The following COL21A1 variants were observed in gnomAD, a reference collection of about 807,000 sequenced individuals.
COL21A1 encodes the protein collagen alpha-1(XXI) chain.
A neutral mutation model predicts 137.9 loss-of-function variants in COL21A1; 149 were observed. The ratio of observed to expected loss-of-function variants is 1.08; its 90% confidence interval spans 0.95 to 1.24. COL21A1 has a LOEUF of 1.24. Among genes scored for constraint, COL21A1 ranks in the 50% most tolerant of loss-of-function variants. The pLI is 0.00. For missense variants in COL21A1, 1,167 were observed against 1,158.4 expected (o/e 1.01, Z -0.11); for synonymous variants, 456 against 391.5 (o/e 1.16, Z -1.95).
chr6:56,185,435 T>TTTTTTC (rs1778203873), intron 1 of COL21A1, among the ~76,000 whole-genome samples: 2 of 132,398 alleles, frequency 1.5e-5, no homozygotes, highest in South Asian at 2.7e-4. Flanking sequence ...TCTTTTTTTT[T>TTTTTTC]TTTTTTTTTT....
At chr6:56,390,302 C>T (rs2094026782) in intron 1 of COL21A1, among the ~76,000 whole-genome samples, 3 of 151,964 alleles carry the variant, frequency 2.0e-5, no homozygotes, top group Admixed American at 1.3e-4. Context: ...ATTTGCAAGC[C>T]TCATGATAAC....
chr6:56,177,850 T>C (rs1325975017), intron 3 of COL21A1, among the ~76,000 whole-genome samples: 7 of 146,860 alleles, frequency 4.8e-5, no homozygotes, highest in Non-Finnish European at 1.0e-4. Flanking sequence ...ATTCCATAAG[T>C]GCATTTTCAA....
intron 1 of COL21A1, among the ~76,000 whole-genome samples, chr6:56,282,026 T>C (rs532104355): frequency 6.6e-6 from 1 of 152,332 alleles, no homozygotes; most frequent in African/African-American, 2.4e-5. Context: ...AGAATTGCTA[T>C]TTTCTATGTG....
rs1490182736 is a variant in COL21A1, at chr6:56,060,005, A to G, written c.2608+13T>C. 5.7e-6 allele frequency: 9 copies of G among 1,570,462 alleles called. No individual in the cohort carries two copies. The highest frequency in any genetic ancestry group is 1.4e-5 in the African/African-American group (1 of 72,572). On this transcript the variant is annotated intron_variant, in intron 28 of 29. Transcript: ENST00000244728. ...TTTTAAAATTCATTTTCTTGTTGAAACTAACTGCATACCTTTTAATCCTCT... is the reference window on the plus strand; with the variant it reads ...TTTTAAAATTCATTTTCTTGTTGAAGCTAACTGCATACCTTTTAATCCTCT...
At position 56,098,381 on chromosome 6, in the gene COL21A1, A is replaced by G. The variant is rs1384318373; in HGVS notation, c.1812+3091T>C. Among the ~76,000 whole-genome samples, 11 of 39,980 alleles carry G rather than the reference A, an allele frequency of 2.8e-4. 2 individuals are homozygous for G. Among genetic ancestry groups the G allele is most frequent in the African/African-American group, 1.3e-3 (9 of 6,988 alleles). 26.2% of individuals were successfully genotyped at this position (39,980 alleles called of 152,430 possible). A position where few individuals can be genotyped will look rare whatever the true frequency, so the allele number is the denominator to read the frequency against. ...TATATATGAATATATATAAATATAT[A>G]TAAATATATAAATATATATATAAAT... On this transcript the variant is annotated intron_variant, in intron 17 of 29. Coordinates refer to ENST00000244728, the MANE Select transcript of COL21A1 (RefSeq NM_030820.4).
intron 10 of COL21A1, among the ~76,000 whole-genome samples, chr6:56,143,034 AT>A (rs1339286480): frequency 1.3e-5 from 2 of 152,004 alleles, no homozygotes; most frequent in Non-Finnish European, 2.9e-5. Context: ...TTCTGTTCAC[AT>A]TTTCAAGTAT....
intron 16 of COL21A1, among the ~76,000 whole-genome samples, chr6:56,102,203 C>G (rs1770520981): frequency 1.3e-5 from 2 of 152,052 alleles, no homozygotes; most frequent in African/African-American, 2.4e-5. Flanking sequence ...ACTTCTTCTA[C>G]TAAAACAATA....
chr6:56,218,351 CATT>C (rs1383628460), intron 1 of COL21A1, among the ~76,000 whole-genome samples: 1 of 151,290 alleles, frequency 6.6e-6, no homozygotes, highest in Non-Finnish European at 1.5e-5. Flanking sequence ...TTAGCCATAT[CATT>C]GTTTTGTTCT....
chr6:56,089,800 C>T (rs1368652117), intron 17 of COL21A1, among the ~76,000 whole-genome samples: 1 of 152,168 alleles, frequency 6.6e-6, no homozygotes, highest in Admixed American at 6.5e-5. Flanking sequence ...AATCATACAT[C>T]ATCTCATATT....
intron 3 of COL21A1, among the ~76,000 whole-genome samples, chr6:56,178,312 C>A (rs1174338790): frequency 6.6e-6 from 1 of 152,044 alleles, no homozygotes; most frequent in Non-Finnish European, 1.5e-5. Context: ...TCAACAAAAT[C>A]TAACTACTAG....
intron 1 of COL21A1, among the ~76,000 whole-genome samples, chr6:56,270,949 ATTC>A (rs1034593152): frequency 1.3e-5 from 2 of 152,230 alleles, no homozygotes; most frequent in African/African-American, 4.8e-5. Context: ...CTCAGGTGGT[ATTC>A]TTCACAGCAG....
rs138642146 is a variant in COL21A1, at chr6:56,085,848, T to C, written c.1813-8275A>G. On this transcript the variant is annotated intron_variant, in intron 17 of 29. Coordinates refer to ENST00000244728, the MANE Select transcript of COL21A1 (RefSeq NM_030820.4). ...AGAGCTTGAGAAATAGTGTTCTTTA[T>C]ATATTTTTTTCAAGAGATATACAGA... is the stretch of plus-strand genomic sequence containing the variant. Among the ~76,000 whole-genome samples, 708 of 151,168 alleles carry C rather than the reference T, an allele frequency of 4.7e-3. 7 individuals are homozygous for C. Among genetic ancestry groups the C allele is most frequent in the African/African-American group, 0.016 (656 of 41,430 alleles).
intron 1 of COL21A1, among the ~76,000 whole-genome samples, chr6:56,187,223 T>A (rs895217940): frequency 2.0e-5 from 3 of 152,264 alleles, no homozygotes; most frequent in Admixed American, 2.0e-4. Flanking sequence ...AGAACCTACC[T>A]GGCTTTTTAT....
At chr6:56,301,534 AG>A (rs1764278912) in intron 1 of COL21A1, among the ~76,000 whole-genome samples, 2 of 152,172 alleles carry the variant, frequency 1.3e-5, no homozygotes, top group Admixed American at 1.3e-4. Context: ...TTTTTAGAGC[AG>A]GAACAAGAAA....
rs543043295 is a variant in COL21A1 at position 56,272,662 on chromosome 6, C to T, written c.-38-90006G>A. On this transcript the variant is annotated intron_variant, in intron 1 of 28. Coordinates refer to the COL21A1 transcript ENST00000370819. ...TAATCCCCATGTGTTGAGGGAGGGG[C>T]CTGGTGGGAAGTGATTGGATCATGG... Among the ~76,000 whole-genome samples the T allele has an allele frequency of 5.3e-5, 8 of 152,046 alleles. No homozygotes were observed. The South Asian group carries it at 1.7e-3, about 32-fold the overall frequency.
chr6:56,122,775 A>G (rs1772666310), intron 16 of COL21A1, among the ~76,000 whole-genome samples: 1 of 152,210 alleles, frequency 6.6e-6, no homozygotes, highest in Non-Finnish European at 1.5e-5. Flanking sequence ...CTAATTCCTT[A>G]TTTAACACTT....
chr6:56,077,694 T>C (rs1002485942), intron 17 of COL21A1, 121 bp from the exon 18 acceptor site: 1 of 589,776 alleles, frequency 1.7e-6, no homozygotes, highest in Non-Finnish European at 2.9e-6. Context: ...GTATACATAT[T>C]ATAATATTGC....
At chr6:56,261,309 A>G (rs1258051931) in intron 1 of COL21A1, among the ~76,000 whole-genome samples, 1 of 152,160 alleles carries the variant, frequency 6.6e-6, no homozygotes, top group Admixed American at 6.6e-5. Context: ...TTATAGTCAG[A>G]TTACAAGATT....
intron 12 of COL21A1, among the ~76,000 whole-genome samples, chr6:56,127,079 A>T (rs994217160): frequency 6.6e-6 from 1 of 152,074 alleles, no homozygotes; most frequent in Non-Finnish European, 1.5e-5. Flanking sequence ...TTATAGCTAC[A>T]TTTTCCATTT....
Sources: gnomAD v4.1 joint callset for allele counts (sites outside exome capture counted in the v4.1 genomes callset) on GRCh38, gnomAD v4.1.1 for gene constraint, MANE v1.5 for transcripts, NCBI Gene and HGNC (gene_info 2026-07-23, HGNC 2026-07-21) for gene names.